The following RYR2 variants were observed in gnomAD, a reference collection of about 807,000 sequenced individuals.
RYR2 encodes the protein ryanodine receptor 2, also known as cardiac muscle ryanodine receptor-calcium release channel.
Under a neutral mutation model 601.1 loss-of-function variants are expected in RYR2, and 227 were observed. The ratio of observed to expected loss-of-function variants is 0.38; its 90% CI spans 0.34 to 0.42. The LOEUF (loss-of-function observed/expected upper bound fraction) is 0.42, where lower values mean the gene tolerates loss of function less well. Among genes scored for constraint, RYR2 ranks in the 10% least tolerant of loss-of-function variants. The pLI is 1.00. For missense variants in RYR2, 4,646 were observed against 6,156.5 expected (o/e 0.75, Z 8.21); for synonymous variants, 2,223 against 2,175.1 (o/e 1.02, Z -0.61).
rs1668868978 is a variant in RYR2, at chr1:237,107,530, A to AAAAAAAAAAAAAAAAAAAAAC, written c.48+64967_48+64968insAAAAAAAAAAAAAACAAAAAA. On this transcript the variant is annotated intron_variant, in intron 1 of 104. Coordinates refer to ENST00000366574, the MANE Select transcript of RYR2 (RefSeq NM_001035.3). ...GTGAGACTCCATCTCAAAAAAAAAAAAAAAAAGGAAACATTGTAGGTTCTC... is the reference window on the plus strand; with the variant it reads ...GTGAGACTCCATCTCAAAAAAAAAAAAAAAAAAAAAAAAAAAAAAACAAAAAAGGAAACATTGTAGGTTCTC... Among the ~76,000 whole-genome samples, 2 of 149,450 alleles carry AAAAAAAAAAAAAAAAAAAAAC rather than the reference A, an allele frequency of 1.3e-5. 1 individual carries two copies. The highest frequency in any genetic ancestry group is 3.0e-5 in the Non-Finnish European group (2 of 67,174).
chr1:237,636,578 T>C (rs942921723), intron 44 of RYR2, among the ~76,000 whole-genome samples: 8 of 152,240 alleles, frequency 5.3e-5, no homozygotes, highest in African/African-American at 1.9e-4. Context: ...TCTGTTGTGA[T>C]GAGTAATGGT....
At chr1:237,512,842 G>A (rs1299170949) in intron 24 of RYR2, among the ~76,000 whole-genome samples, 1 of 152,186 alleles carries the variant, frequency 6.6e-6, no homozygotes, top group Non-Finnish European at 1.5e-5. Context: ...CTGCACTCCA[G>A]CCTGGATGAC....
intron 1 of RYR2, among the ~76,000 whole-genome samples, chr1:237,148,165 T>C (rs1232915261): frequency 1.3e-5 from 2 of 152,140 alleles, no homozygotes; most frequent in African/African-American, 2.4e-5. Flanking sequence ...AGTCAGATGG[T>C]AGGATAAACA....
At chr1:237,194,724 A>G (rs1680367033) in intron 1 of RYR2, among the ~76,000 whole-genome samples, 1 of 152,194 alleles carries the variant, frequency 6.6e-6, no homozygotes, top group Admixed American at 6.5e-5. Context: ...GAAAGATGAC[A>G]AAGCATCTTT....
chr1:237,242,532 A>G (rs1572332620), intron 1 of RYR2, among the ~76,000 whole-genome samples: 1 of 152,276 alleles, frequency 6.6e-6, no homozygotes, highest in Middle Eastern at 3.4e-3. Context: ...TTTGAGCCAT[A>G]GGATATTATG....
chr1:237,674,063 C>G, intron 58 of RYR2, 33 bp from the exon 59 acceptor site: 1 of 1,578,840 alleles, frequency 6.3e-7, no homozygotes. Flanking sequence ...TTTCAAATTA[C>G]TATGCTGTGT....
At chr1:237,293,427 G>A (rs1450388459) in intron 2 of RYR2, among the ~76,000 whole-genome samples, 6 of 152,156 alleles carry the variant, frequency 3.9e-5, no homozygotes, top group South Asian at 2.1e-4. Context: ...GGCTGGTCTC[G>A]AACTCCTGGC....
At position 237,631,549 on chromosome 1, in the gene RYR2, C is replaced by G. The variant is rs1759122; in HGVS notation, c.6555+8C>G. 1 of 1,446,994 alleles carries G rather than the reference C, an allele frequency of 6.9e-7. No individual in the cohort carries two copies. The allele number at this position is 1,446,994 out of a possible 1,614,324, so 89.6% of individuals were successfully genotyped here. Reference sequence around the variant, plus strand: ...GGAGGTGGAGAGTCCAAGGTAACGTCTTTGATTCCTGAGATGCTATTTAGT... The same window carrying G: ...GGAGGTGGAGAGTCCAAGGTAACGTGTTTGATTCCTGAGATGCTATTTAGT... On this transcript the variant is annotated splice_region_variant and intron_variant, in intron 42 of 104. Transcript: ENST00000366574.
chr1:237,510,656 C>T (rs909472827), intron 23 of RYR2, among the ~76,000 whole-genome samples: 1 of 152,166 alleles, frequency 6.6e-6, no homozygotes, highest in Non-Finnish European at 1.5e-5. Context: ...CTGTCCTTCT[C>T]ATGTGGCATT....
At chr1:237,795,462 TA>T in intron 96 of RYR2, 131 bp downstream of exon 96, 2 of 508,954 alleles carry the variant, frequency 3.9e-6, no homozygotes, top group Non-Finnish European at 7.0e-6. Context: ...TTTTTTTTTT[TA>T]ATTTTTGAGA....
rs1553522190 is a variant in RYR2 at position 237,614,367 on chromosome 1, G to A, written c.5239G>A (p.Gly1747Ser). 3.7e-6 allele frequency: 6 copies of A among 1,613,948 alleles called. No individual in the cohort carries two copies. The highest frequency in any genetic ancestry group is 5.1e-6 in the Non-Finnish European group (6 of 1,179,884). ...TLFPDENKKHGLPGIGLSTSL... is the reference protein window; with the variant it reads ...TLFPDENKKHSLPGIGLSTSL... ...GTTCCCTGATGAGAACAAAAAACAC[G>A]GCCTTCCAGGGATCGGCCTCAGCAC... is the stretch of plus-strand genomic sequence containing the variant. Residue 1747 changes from glycine (G) to serine (S), a missense_variant, in exon 37 of 105, where the codon GGC becomes AGC. Coordinates refer to ENST00000366574, the MANE Select transcript of RYR2 (RefSeq NM_001035.3). This position sits in a 1 kb window ranked among gnomAD's most constrained non-coding sequence, Gnocchi z 4.3.
At chr1:237,643,018 A>G (rs993960094) in intron 47 of RYR2, among the ~76,000 whole-genome samples, 3 of 152,244 alleles carry the variant, frequency 2.0e-5, no homozygotes, top group Non-Finnish European at 4.4e-5. Flanking sequence ...AAACTTTCAT[A>G]AACACGTCAG....
At chr1:237,569,413 G>C (rs1264125159) in intron 29 of RYR2, 94 bp downstream of exon 29, 2 of 1,208,942 alleles carry the variant, frequency 1.7e-6, no homozygotes, top group Non-Finnish European at 2.4e-6. Flanking sequence ...GTTTCAGGGT[G>C]AGTGAGCAGA....
intron 1 of RYR2, among the ~76,000 whole-genome samples, chr1:237,227,194 A>C (rs1191879745): frequency 6.6e-6 from 1 of 152,208 alleles, no homozygotes; most frequent in African/African-American, 2.4e-5. Flanking sequence ...ACTCTAGTTA[A>C]TAATTATTAT....
At chr1:237,400,402 G>A (rs1031060405) in intron 10 of RYR2, among the ~76,000 whole-genome samples, 1 of 152,098 alleles carries the variant, frequency 6.6e-6, no homozygotes, top group African/African-American at 2.4e-5. Context: ...TTTTACTTTA[G>A]CACAATGTCC....
chr1:237,585,656 TA>T (rs1378663488), intron 29 of RYR2, among the ~76,000 whole-genome samples: 1 of 152,194 alleles, frequency 6.6e-6, no homozygotes, highest in Non-Finnish European at 1.5e-5. Flanking sequence ...AATAGATTAT[TA>T]AAACCATAAT....
chr1:237,772,476 C>G (rs1694345198), intron 86 of RYR2, among the ~76,000 whole-genome samples: 1 of 152,214 alleles, frequency 6.6e-6, no homozygotes, highest in Non-Finnish European at 1.5e-5. Context: ...GGCTTTGCAA[C>G]TACTACCATA....
At chr1:237,364,240 A>T in intron 4 of RYR2, 118 bp from the exon 5 acceptor site, 4 of 821,528 alleles carry the variant, frequency 4.9e-6, no homozygotes, top group Non-Finnish European at 5.5e-6. Flanking sequence ...TTTTATGTTT[A>T]TTGTTTACAT....
At chr1:237,534,061 A>G (rs1668379987) in intron 25 of RYR2, among the ~76,000 whole-genome samples, 1 of 152,130 alleles carries the variant, frequency 6.6e-6, no homozygotes, top group Non-Finnish European at 1.5e-5. Context: ...TCAAAAAGAT[A>G]ATTTATGATA....
Sources: gnomAD v4.1 joint callset for allele counts (sites outside exome capture counted in the v4.1 genomes callset) on GRCh38, gnomAD v4.1.1 for gene constraint, Gnocchi (gnomAD v3.1) non-coding constraint, MANE v1.5 for transcripts, NCBI Gene and HGNC (gene_info 2026-07-23, HGNC 2026-07-21) for gene names.